LNX1: variants seen among roughly 807,000 people sequenced by gnomAD.
LNX1 encodes the protein ligand of numb-protein X 1, also known as E3 ubiquitin-protein ligase LNX.
A neutral mutation model predicts 68.4 loss-of-function variants in LNX1; 54 were observed. The observed-to-expected ratio is 0.79, with a 90% CI of 0.63 to 0.99. LNX1 has a LOEUF of 0.99. Among genes scored for constraint, LNX1 ranks in the 50% least tolerant of loss-of-function variants. The pLI is 0.00. For missense variants in LNX1, 906 were observed against 926.4 expected, an observed-to-expected ratio of 0.98 and a Z score of 0.29; for synonymous variants, 336 against 350.0, an observed-to-expected ratio of 0.96 and a Z score of 0.45.
intron 2 of LNX1, among the ~76,000 whole-genome samples, chr4:53,538,477 C>T (rs1233419010): frequency 6.6e-6 from 1 of 152,160 alleles, no homozygotes; most frequent in African/African-American, 2.4e-5. Flanking sequence ...AGGACCCCTG[C>T]TTTTTTGAAT....
At chr4:53,501,305 T>C (rs56014502) in intron 4 of LNX1, among the ~76,000 whole-genome samples, 888 of 88,740 alleles carry the variant, frequency 0.01, 91 homozygotes, top group African/African-American at 0.031. Context: ...TTTTTGGGGG[T>C]GGGGGGACAG....
chr4:53,604,963 A>C (rs1007952090), intron 2 of LNX1, among the ~76,000 whole-genome samples: 4 of 152,190 alleles, frequency 2.6e-5, no homozygotes, highest in Non-Finnish European at 5.9e-5. Flanking sequence ...TGATTTGCAA[A>C]GTCACCAGGG....
chr4:53,498,890 C>T, intron 4 of LNX1, 47 bp from the exon 5 acceptor site: 1 of 1,382,370 alleles, frequency 7.2e-7, no homozygotes, highest in Non-Finnish European at 1.0e-6. Context: ...CCCAATGGAC[C>T]TTTCCAACTA....
intron 2 of LNX1, among the ~76,000 whole-genome samples, chr4:53,548,827 T>A (rs79325125): frequency 1.3e-5 from 2 of 152,192 alleles, no homozygotes; most frequent in Non-Finnish European, 2.9e-5. Flanking sequence ...AGATATACCA[T>A]GGAATACTAT....
At chr4:53,470,064 T>G (rs1406691094) in intron 9 of LNX1, among the ~76,000 whole-genome samples, 2 of 152,174 alleles carry the variant, frequency 1.3e-5, no homozygotes, top group African/African-American at 2.4e-5. Context: ...ACCAATATCC[T>G]GGATGAACAC....
At position 53,460,124 on chromosome 4, in the gene LNX1, A is replaced by ATT. The variant is rs1185142415; in HGVS notation, c.*781_*782dup. On this transcript the variant is annotated 3_prime_UTR_variant, in exon 11 of 11. Transcript: ENST00000263925. ...ACACACACTCTTCATTGTGGCACAA[A>ATT]TTTAAATCGCCTCATGACCATGTCT... The ATT allele has an allele frequency of 7.0e-5, 14 of 198,902 alleles. No homozygotes were observed. The East Asian group carries it at 1.1e-3, about 15-fold the overall frequency. The allele number at this position is 198,902 out of a possible 1,614,324, so 12.3% of individuals were successfully genotyped here.
At chr4:53,576,389 C>A in intron 1 of LNX1, 1 of 1,565,204 alleles carries the variant, frequency 6.4e-7, no homozygotes, top group South Asian at 1.2e-5. Context: ...CAGGACTGAC[C>A]CCTCACATGA....
chr4:53,496,022 C>T lies in LNX1; in HGVS notation c.1350+1G>A. On this transcript the variant is annotated splice_donor_variant, in intron 6 of 10. Coordinates refer to ENST00000263925, the MANE Select transcript of LNX1 (RefSeq NM_001126328.3). LOFTEE classifies it high-confidence loss of function. ...GGATCCTGGAATGACCTCTGACTCACCTGAATCAGATGAGCCGCACTTTCT... is the reference window on the plus strand; with the variant it reads ...GGATCCTGGAATGACCTCTGACTCATCTGAATCAGATGAGCCGCACTTTCT... The T allele has an allele frequency of 1.2e-6, 2 of 1,610,720 alleles. No individual in the cohort carries two copies. The highest frequency in any genetic ancestry group is 1.7e-6 in the Non-Finnish European group (2 of 1,177,828).
intron 6 of LNX1, among the ~76,000 whole-genome samples, chr4:53,491,445 C>A (rs76916145): frequency 6.6e-6 from 1 of 152,164 alleles, no homozygotes; most frequent in Admixed American, 6.5e-5. Context: ...AGATAAAAGG[C>A]AGGAATACAT....
chr4:53,496,441 C>A (rs763853431), intron 5 of LNX1, 47 bp from the exon 6 acceptor site: 17 of 1,547,970 alleles, frequency 1.1e-5, no homozygotes, highest in Non-Finnish European at 1.5e-5. Context: ...CCTGCCACAA[C>A]CCTTCCTGAA....
intron 1 of LNX1, among the ~76,000 whole-genome samples, chr4:53,582,096 A>AAGCAGGGAGAGT (rs6148437): frequency 6.6e-6 from 1 of 151,668 alleles, no homozygotes; most frequent in Non-Finnish European, 1.5e-5. Context: ...TTAGAAACCT[A>AAGCAGGGAGAGT]AGAATATCAA....
intron 1 of LNX1, among the ~76,000 whole-genome samples, chr4:53,642,596 GAT>G (rs1734729033): frequency 6.6e-6 from 1 of 152,192 alleles, no homozygotes; most frequent in South Asian, 2.1e-4. Flanking sequence ...ATGCTACAGA[GAT>G]AGCTCTGGAA....
At chr4:53,558,982 C>A (rs371631200) in intron 2 of LNX1, among the ~76,000 whole-genome samples, 2 of 152,260 alleles carry the variant, frequency 1.3e-5, no homozygotes. Context: ...CCACAGAAGC[C>A]CCCAGGACTC....
chr4:53,612,876 C>A (rs1471079099), intron 2 of LNX1, among the ~76,000 whole-genome samples: 3 of 151,332 alleles, frequency 2.0e-5, no homozygotes, highest in South Asian at 4.2e-4. Context: ...CAGAGTGAGA[C>A]CCCATTTCAA....
intron 7 of LNX1, among the ~76,000 whole-genome samples, chr4:53,481,376 A>G (rs1161564614): frequency 6.6e-6 from 1 of 152,228 alleles, no homozygotes; most frequent in Non-Finnish European, 1.5e-5. Flanking sequence ...AAACCAGGCA[A>G]ACTGCTTGCT....
intron 2 of LNX1, among the ~76,000 whole-genome samples, chr4:53,561,403 T>C (rs142358903): frequency 0.011 from 1,736 of 152,208 alleles, 28 homozygotes; most frequent in African/African-American, 0.039. Context: ...AATTTTTCTA[T>C]TTTTAGTAGA....
chr4:53,566,835 C>T (rs1485197334), intron 2 of LNX1, among the ~76,000 whole-genome samples: 2 of 150,042 alleles, frequency 1.3e-5, no homozygotes, highest in Non-Finnish European at 3.0e-5. Context: ...CAAAAAAAGG[C>T]AGGGGTTGCA....
At chr4:53,611,527 A>C (rs1040932435) in intron 2 of LNX1, among the ~76,000 whole-genome samples, 3 of 152,152 alleles carry the variant, frequency 2.0e-5, no homozygotes, top group African/African-American at 7.2e-5. Flanking sequence ...ATCAAAGAAA[A>C]TACAAGTAAT....
At chr4:53,561,229 C>A (rs758221988) in intron 2 of LNX1, among the ~76,000 whole-genome samples, 9 of 151,926 alleles carry the variant, frequency 5.9e-5, no homozygotes, top group Non-Finnish European at 1.2e-4. Flanking sequence ...CCCTGTATTT[C>A]TTTTCTTTTC....
Sources: allele counts gnomAD v4.1 joint callset (sites outside exome capture counted in the v4.1 genomes callset), GRCh38; gene constraint gnomAD v4.1.1; transcripts MANE v1.5; gene names NCBI Gene and HGNC (gene_info 2026-07-23, HGNC 2026-07-21).